The following DTNB variants were observed in gnomAD, a reference collection of about 807,000 sequenced individuals.
DTNB encodes dystrobrevin beta, also known as DTN-B.
Under a neutral mutation model 90.7 loss-of-function variants are expected in DTNB, and 63 were observed. The ratio of observed to expected loss-of-function variants is 0.69; its 90% confidence interval spans 0.57 to 0.86. The LOEUF (loss-of-function observed/expected upper bound fraction) is 0.86. Among genes scored for constraint, DTNB ranks in the 40% least tolerant of loss-of-function variants. The pLI, the probability that DTNB is intolerant of heterozygous loss-of-function variation, is 0.00. For synonymous variants in DTNB, 277 were observed against 286.7 expected (o/e 0.97, Z 0.34); for missense variants, 744 against 807.1 (o/e 0.92, Z 0.95).
At chr2:25,605,322 TG>T (rs1282520373) in intron 5 of DTNB, among the ~76,000 whole-genome samples, 1 of 152,222 alleles carries the variant, frequency 6.6e-6, no homozygotes, top group East Asian at 1.9e-4. Context: ...TGCAATGACT[TG>T]GGGTCCTGAG....
At chr2:25,405,944 A>G (rs1402695288) in intron 16 of DTNB, among the ~76,000 whole-genome samples, 2 of 152,164 alleles carry the variant, frequency 1.3e-5, no homozygotes, top group Admixed American at 1.3e-4. Flanking sequence ...GTGACAGATA[A>G]TGGAGGCTGG....
At chr2:25,614,222 T>C (rs943713484) in intron 4 of DTNB, among the ~76,000 whole-genome samples, 2 of 152,178 alleles carry the variant, frequency 1.3e-5, no homozygotes, top group Non-Finnish European at 2.9e-5. Context: ...ATGGTGACCA[T>C]CATACTCAGT....
intron 1 of DTNB, among the ~76,000 whole-genome samples, chr2:25,668,701 T>C (rs2085098729): frequency 6.6e-6 from 1 of 152,244 alleles, no homozygotes; most frequent in South Asian, 2.1e-4. Flanking sequence ...GCCACATTGG[T>C]CAAAATTGTG....
At chr2:25,522,389 TG>T (rs2076306641) in intron 9 of DTNB, among the ~76,000 whole-genome samples, 1 of 151,982 alleles carries the variant, frequency 6.6e-6, no homozygotes, top group South Asian at 2.1e-4. Flanking sequence ...ACATAAATGG[TG>T]GGGAGGAGTC....
At chr2:25,528,069 G>A (rs1353080203) in intron 9 of DTNB, among the ~76,000 whole-genome samples, 1 of 152,036 alleles carries the variant, frequency 6.6e-6, no homozygotes, top group Non-Finnish European at 1.5e-5. Flanking sequence ...ATTTATTCTG[G>A]GAAGGTAAAG....
intron 11 of DTNB, among the ~76,000 whole-genome samples, chr2:25,452,318 T>A (rs930785671): frequency 1.3e-5 from 2 of 152,224 alleles, no homozygotes; most frequent in African/African-American, 4.8e-5. Context: ...TCTTGAGTAA[T>A]AGGCTGGCTC....
chr2:25,415,017 G>T (rs981925037), intron 16 of DTNB, among the ~76,000 whole-genome samples: 2 of 151,996 alleles, frequency 1.3e-5, no homozygotes, highest in East Asian at 1.9e-4. Flanking sequence ...AGGGAAAGAG[G>T]GGGGAAGAGA....
chr2:25,403,124 CT>C (rs879793477), intron 16 of DTNB, among the ~76,000 whole-genome samples: 1 of 151,330 alleles, frequency 6.6e-6, no homozygotes. Flanking sequence ...TCCCAGTAGT[CT>C]TTTTTTTTGA....
At chr2:25,431,324 C>T (rs1433697288) in intron 14 of DTNB, among the ~76,000 whole-genome samples, 1 of 152,102 alleles carries the variant, frequency 6.6e-6, no homozygotes, top group African/African-American at 2.4e-5. Flanking sequence ...GCCTCAGCCT[C>T]CCGAGTCTTC....
intron 18 of DTNB, among the ~76,000 whole-genome samples, chr2:25,385,604 G>A (rs2039243053): frequency 6.6e-6 from 1 of 152,160 alleles, no homozygotes; most frequent in South Asian, 2.1e-4. Context: ...CAGGTTCTAG[G>A]ACCAGCTTTC....
At chr2:25,389,880 GTGTA>G (rs1225317077) in intron 16 of DTNB, among the ~76,000 whole-genome samples, 2 of 147,188 alleles carry the variant, frequency 1.4e-5, no homozygotes, top group Non-Finnish European at 3.0e-5. Flanking sequence ...GTGTGTGTGT[GTGTA>G]TGTGTATTTT....
In DTNB at chr2:25,588,687, A is replaced by G. The variant is rs574514966; in HGVS notation, c.603+7399T>C. 2.0e-5 allele frequency among the ~76,000 whole-genome samples: 3 copies of G among 152,222 alleles called. No individual in the cohort carries two copies. The East Asian group carries it at 5.8e-4, about 29-fold the overall frequency. ...CTCTGAGGACATTTTAAATGACAACACATGTAGTGCCAAAAGTGGATACAA... is the reference window on the plus strand; with the variant it reads ...CTCTGAGGACATTTTAAATGACAACGCATGTAGTGCCAAAAGTGGATACAA... On this transcript the variant is annotated intron_variant, in intron 6 of 20. Transcript: ENST00000406818.
At chr2:25,556,727 A>G (rs1327427962) in intron 8 of DTNB, among the ~76,000 whole-genome samples, 1 of 152,240 alleles carries the variant, frequency 6.6e-6, no homozygotes, top group African/African-American at 2.4e-5. Context: ...GAGAATCAGA[A>G]AAAGTAGTGA....
chr2:25,392,973 G>A (rs1410646384), intron 16 of DTNB, among the ~76,000 whole-genome samples: 1 of 152,160 alleles, frequency 6.6e-6, no homozygotes, highest in African/African-American at 2.4e-5. Context: ...TATCCCTGAT[G>A]CACAAATCCT....
At chr2:25,386,067 G>A (rs1301261046) in intron 18 of DTNB, 1 of 985,360 alleles carries the variant, frequency 1.0e-6, no homozygotes. Flanking sequence ...TTCTGTTTAT[G>A]TGTACAGAGC....
intron 12 of DTNB, among the ~76,000 whole-genome samples, chr2:25,446,773 T>A (rs1466245808): frequency 6.6e-6 from 1 of 152,244 alleles, no homozygotes; most frequent in Non-Finnish European, 1.5e-5. Context: ...CATCTGAGAA[T>A]GAATGTCTTG....
At chr2:25,654,125 C>T (rs977627271) in intron 1 of DTNB, among the ~76,000 whole-genome samples, 7 of 152,222 alleles carry the variant, frequency 4.6e-5, no homozygotes, top group Admixed American at 2.6e-4. Flanking sequence ...GCTACAGGGA[C>T]TGATAAGCAG....
intron 8 of DTNB, among the ~76,000 whole-genome samples, chr2:25,556,470 G>A (rs898872835): frequency 5.9e-5 from 9 of 151,978 alleles, no homozygotes; most frequent in Admixed American, 2.6e-4. Flanking sequence ...TTCCAAAATC[G>A]AAAGTAATTT....
chr2:25,382,518 CCTT>C (rs1273131499), intron 19 of DTNB, among the ~76,000 whole-genome samples: 1 of 117,956 alleles, frequency 8.5e-6, no homozygotes, highest in African/African-American at 3.3e-5. Flanking sequence ...CAGTTCTCTG[CCTT>C]TTTTTTTTTT....
Sources: allele counts gnomAD v4.1 joint callset (sites outside exome capture counted in the v4.1 genomes callset), GRCh38; gene constraint gnomAD v4.1.1; transcripts MANE v1.5; gene names NCBI Gene and HGNC (gene_info 2026-07-23, HGNC 2026-07-21).